PFKFB3: variants seen among roughly 807,000 people sequenced by gnomAD.
PFKFB3 encodes the protein 6-phosphofructo-2-kinase/fructose-2,6-biphosphatase 3.
In PFKFB3, 33 loss-of-function variants were observed where a neutral mutation model predicts 68.0. The observed-to-expected ratio is 0.49, with a 90% CI of 0.37 to 0.65. PFKFB3 has a LOEUF of 0.65. Ranked by LOEUF, PFKFB3 falls within the 30% of genes least tolerant of loss-of-function variation. The pLI, the probability that PFKFB3 is intolerant of heterozygous loss-of-function variation, is 0.00. For synonymous variants in PFKFB3, 315 were observed against 288.2 expected (o/e 1.09, Z -0.94); for missense variants, 586 against 712.2 (o/e 0.82, Z 2.02).
At chr10:6,324,575 C>T in the PFKFB3 span, among the ~76,000 whole-genome samples, 18 of 151,964 alleles carry the variant, frequency 1.2e-4, no homozygotes, top group East Asian at 3.9e-4. Flanking sequence ...TACAGGCACC[C>T]GCCACCACGA....
downstream of PFKFB3, among the ~76,000 whole-genome samples, chr10:6,255,178 G>A (rs1323333006): frequency 6.6e-6 from 1 of 151,054 alleles, no homozygotes. Flanking sequence ...AGGCTGGAGT[G>A]CAGTGGCCTG....
chr10:6,256,824 G>A (rs192199874), downstream of PFKFB3, among the ~76,000 whole-genome samples: 1 of 152,174 alleles, frequency 6.6e-6, no homozygotes, highest in Non-Finnish European at 1.5e-5. Context: ...TTGCTGTGGT[G>A]GGTTCTGGGC....
In PFKFB3 at chr10:6,221,662, T is replaced by G. The variant is rs763673900; in HGVS notation, c.1000T>G (p.Tyr334Asp). Residue 334 changes from tyrosine to aspartate, a missense_variant, in exon 10 of 15, where the codon TAC (tyrosine) becomes GAC (aspartate). Transcript: ENST00000379775. Reference protein sequence around the residue: ...IDAGVCEELTYEEIRDTYPEE... With the variant: ...IDAGVCEELTDEEIRDTYPEE... Reference sequence around the variant, plus strand: ...GCAGGGCGTCTGTGAGGAGCTGACCTACGAGGAGATCAGGGACACCTACCC... The same window carrying G: ...GCAGGGCGTCTGTGAGGAGCTGACCGACGAGGAGATCAGGGACACCTACCC... The G allele has an allele frequency of 6.2e-7, 1 of 1,610,940 alleles. No individual in the cohort carries two copies. Among genetic ancestry groups the G allele is most frequent in the Non-Finnish European group, 8.5e-7 (1 of 1,178,980 alleles).
At chr10:6,266,905 G>A in the PFKFB3 span, among the ~76,000 whole-genome samples, 1 of 152,270 alleles carries the variant, frequency 6.6e-6, no homozygotes, top group African/African-American at 2.4e-5. Context: ...CTCACAGGGA[G>A]AATGCTGGCT....
chr10:6,225,152 C>T (rs142506384), intron 13 of PFKFB3: 25 of 456,250 alleles, frequency 5.5e-5, no homozygotes, highest in Non-Finnish European at 7.0e-5. Context: ...TTGAATTCAC[C>T]GTGTACAGGC....
chr10:6,157,182 C>T (rs918298172), intron 1 of PFKFB3, among the ~76,000 whole-genome samples: 2 of 151,942 alleles, frequency 1.3e-5, no homozygotes, highest in Non-Finnish European at 2.9e-5. Flanking sequence ...CATCAACTTG[C>T]TGCCTCATAG....
chr10:6,228,337 T>TG lies in PFKFB3; in HGVS notation c.1515+1977dup. ...CAGTTTTGTGATGTGAGGTCTTCCG[T>TG]GGGGGAAGGAGGAGATGGGCGTAGG... On this transcript the variant is annotated intron_variant, in intron 14 of 14. Coordinates refer to ENST00000379775, the MANE Select transcript of PFKFB3 (RefSeq NM_004566.4). This position sits in a 1 kb window ranked among gnomAD's most constrained non-coding sequence, Gnocchi z 4.5. 9.0e-7 allele frequency: 1 copy of TG among 1,113,238 alleles called. No individual in the cohort carries two copies. The highest frequency in any genetic ancestry group is 2.0e-4 in the Middle Eastern group (1 of 5,114). The allele number at this position is 1,113,238 out of a possible 1,614,324, so 69.0% of individuals were successfully genotyped here.
At chr10:6,275,247 C>G in the PFKFB3 span, among the ~76,000 whole-genome samples, 1 of 152,340 alleles carries the variant, frequency 6.6e-6, no homozygotes, top group African/African-American at 2.4e-5. The surrounding 1 kb of genome is among the most constrained non-coding windows in gnomAD (Gnocchi z 4.9). Context: ...GGAAGCTGCT[C>G]CCTTCTCTGT....
chr10:6,203,506 C>T (rs1843478372), intron 1 of PFKFB3, among the ~76,000 whole-genome samples, 170 bp downstream of exon 1: 1 of 149,100 alleles, frequency 6.7e-6, no homozygotes, highest in Non-Finnish European at 1.5e-5. Flanking sequence ...GCGGCGGGGG[C>T]GCTGTGGCCC....
intron 9 of PFKFB3, 51 bp from the exon 10 acceptor site, chr10:6,221,590 C>T: frequency 6.2e-7 from 1 of 1,610,478 alleles, no homozygotes; most frequent in Non-Finnish European, 8.5e-7. Context: ...CCCAAGAGGC[C>T]CTAGACACCC....
intron 1 of PFKFB3, among the ~76,000 whole-genome samples, chr10:6,151,485 T>C (rs1755198758): frequency 6.6e-6 from 1 of 152,138 alleles, no homozygotes; most frequent in South Asian, 2.1e-4. Context: ...GCCCCTTGCA[T>C]TGGTGAGGAC....
the PFKFB3 span, among the ~76,000 whole-genome samples, chr10:6,285,196 A>T: frequency 6.6e-6 from 1 of 150,486 alleles, no homozygotes; most frequent in Admixed American, 6.6e-5. Flanking sequence ...TTTCATTTCT[A>T]TCAGCAATAC....
At chr10:6,279,286 T>C in the PFKFB3 span, among the ~76,000 whole-genome samples, 5 of 152,206 alleles carry the variant, frequency 3.3e-5, no homozygotes, top group Non-Finnish European at 7.3e-5. Flanking sequence ...AAGTCTTTCT[T>C]AGTGTTATTA....
intron 1 of PFKFB3, among the ~76,000 whole-genome samples, chr10:6,165,201 A>T (rs1842092992): frequency 6.6e-6 from 1 of 152,172 alleles, no homozygotes; most frequent in African/African-American, 2.4e-5. Flanking sequence ...TCGAGAATGG[A>T]GAATGGCGAT....
chr10:6,268,678 TTAAC>T, the PFKFB3 span, among the ~76,000 whole-genome samples: 1 of 150,856 alleles, frequency 6.6e-6, no homozygotes, highest in Non-Finnish European at 1.5e-5. Context: ...AAAAGACTAG[TTAAC>T]TTTTTTTTTT....
chr10:6,269,744 G>T, the PFKFB3 span, among the ~76,000 whole-genome samples: 2 of 152,134 alleles, frequency 1.3e-5, no homozygotes, highest in Non-Finnish European at 2.9e-5. Context: ...GAGTTATTTT[G>T]TACCTGGACA....
At chr10:6,216,088 C>CGGCGCTGA in intron 3 of PFKFB3, 37 bp from the exon 4 acceptor site, 1 of 1,597,256 alleles carries the variant, frequency 6.3e-7, no homozygotes, top group South Asian at 1.1e-5. Flanking sequence ...GCGGATGCAC[C>CGGCGCTGA]GGCGCTGACA....
At chr10:6,156,498 A>AATTG (rs1163141156) in intron 1 of PFKFB3, among the ~76,000 whole-genome samples, 1 of 149,678 alleles carries the variant, frequency 6.7e-6, no homozygotes, top group East Asian at 2.0e-4. Flanking sequence ...TTAATTAATT[A>AATTG]ATTAATTACT....
At chr10:6,193,573 C>T (rs939171379) in intron 1 of PFKFB3, among the ~76,000 whole-genome samples, 1 of 152,180 alleles carries the variant, frequency 6.6e-6, no homozygotes, top group East Asian at 1.9e-4. Context: ...TCTCAGGTGT[C>T]CGTGTGGAGA....
Sources: allele counts gnomAD v4.1 joint callset (sites outside exome capture counted in the v4.1 genomes callset), GRCh38; gene constraint gnomAD v4.1.1; non-coding constraint Gnocchi (gnomAD v3.1); transcripts MANE v1.5; gene names NCBI Gene and HGNC (gene_info 2026-07-23, HGNC 2026-07-21).